DST: variants seen among roughly 807,000 people sequenced by gnomAD.
DST encodes the protein dystonin.
Under a neutral mutation model 875.2 loss-of-function variants are expected in DST, and 253 were observed. The observed-to-expected ratio is 0.29, with a 90% CI of 0.26 to 0.32. The LOEUF is 0.32. Ranked by LOEUF, DST falls within the 10% of genes least tolerant of loss-of-function variation. The probability of loss-of-function intolerance (pLI) is 1.00; values close to 1 mark genes in which losing one functional copy is unlikely to be tolerated. For missense variants in DST, 8,287 were observed against 9,111.6 expected (o/e 0.91, Z 3.68); for synonymous variants, 3,124 against 3,197.1 (o/e 0.98, Z 0.77).
At chr6:56,783,091 G>C (rs1564155559) in intron 4 of DST, among the ~76,000 whole-genome samples, 1 of 152,296 alleles carries the variant, frequency 6.6e-6, no homozygotes, top group Non-Finnish European at 1.5e-5. Flanking sequence ...CTGAGAGACA[G>C]TTTGTTATAA....
intron 69 of DST, among the ~76,000 whole-genome samples, chr6:56,521,802 A>T (rs1457674207): frequency 2.0e-5 from 3 of 152,076 alleles, no homozygotes; most frequent in Non-Finnish European, 2.9e-5. Context: ...CTAATGGAAC[A>T]TAAACATGGT....
chr6:56,503,877 C>A (rs1469760372), intron 78 of DST, 120 bp downstream of exon 78: 2 of 624,200 alleles, frequency 3.2e-6, no homozygotes, highest in Admixed American at 3.6e-5. Context: ...GTACATTAAA[C>A]TAGCTTTATA....
chr6:56,604,795 T>G lies in DST; in HGVS notation c.9833A>C (p.Lys3278Thr). 6.2e-7 allele frequency: 1 copy of G among 1,612,938 alleles called. No individual in the cohort carries two copies. The highest frequency in any genetic ancestry group is 8.5e-7 in the Non-Finnish European group (1 of 1,179,272). The change falls in exon 40 of 104, where the codon AAA becomes ACA. Residue 3278 changes from lysine (K) to threonine (T), a missense_variant. By Grantham distance (78) the Lys-to-Thr change is moderately conservative. Coordinates refer to ENST00000680361, the MANE Select transcript of DST (RefSeq NM_001374736.1). ...ATTTTTCCCAACATCTTCTACATGTTTACGAGATAATATTGAAAGTGTGGC... is the reference window on the plus strand; with the variant it reads ...ATTTTTCCCAACATCTTCTACATGTGTACGAGATAATATTGAAAGTGTGGC... Reference protein sequence around the residue: ...IEATLSILSRKHVEDVGKNDF... With the variant: ...IEATLSILSRTHVEDVGKNDF...
At chr6:56,811,791 G>C (rs1280836034) in intron 4 of DST, among the ~76,000 whole-genome samples, 1 of 152,012 alleles carries the variant, frequency 6.6e-6, no homozygotes, top group Non-Finnish European at 1.5e-5. Flanking sequence ...AGAAATATAA[G>C]TTCCTTGATA....
intron 102 of DST, chr6:56,460,495 A>C (rs972831279): frequency 1.3e-5 from 5 of 388,526 alleles, no homozygotes; most frequent in Non-Finnish European, 2.3e-5. Flanking sequence ...GGTTGAAGAG[A>C]AAACAAAATG....
chr6:56,770,176 T>C (rs1347141259), intron 4 of DST, among the ~76,000 whole-genome samples: 1 of 152,182 alleles, frequency 6.6e-6, no homozygotes. Context: ...GAGAGTTTAA[T>C]GATGCAATAG....
At chr6:56,953,438 A>C (rs1199351753) in intron 2 of DST, among the ~76,000 whole-genome samples, 2 of 152,256 alleles carry the variant, frequency 1.3e-5, no homozygotes. Context: ...ATCCAAGTGA[A>C]CAACCAGAGT....
chr6:56,840,521 C>G (rs1437785484), intron 4 of DST, among the ~76,000 whole-genome samples: 2 of 152,068 alleles, frequency 1.3e-5, no homozygotes, highest in South Asian at 2.1e-4. Context: ...ATATATTTTA[C>G]AAGTAACAGG....
intron 84 of DST, 86 bp downstream of exon 84, chr6:56,492,848 A>G: frequency 8.6e-7 from 1 of 1,159,480 alleles, no homozygotes; most frequent in South Asian, 2.0e-5. Flanking sequence ...GTCCTGGACG[A>G]CAGAGGAGTG....
Position 56,704,300 on chromosome 6 carries a change from C to A in DST, c.757G>T (p.Val253Phe), listed in dbSNP as rs372264583. The change falls in exon 6 of 104, where the codon GTT (valine) becomes TTT (phenylalanine). Residue 253 changes from valine to phenylalanine, a missense_variant. By Grantham distance (50) the Val-to-Phe change is conservative. Around this residue, in one of 10 missense-constraint regions of DST, gnomAD observed 1,160 missense variants for 1,424.3 expected, o/e 0.81. Transcript: ENST00000680361. ...CTTACCAAGGTATCTCCTGAAAGAA[C>A]CTCTAAAAGAGAAATCAAATTGTGT... The part of the protein sequence containing the change: ...DGHNLISLLE[V>F]LSGDTLPRER... 2 of 1,549,252 alleles carry A rather than the reference C, an allele frequency of 1.3e-6. No individual in the cohort carries two copies. The highest frequency in any genetic ancestry group is 1.8e-6 in the Non-Finnish European group (2 of 1,139,446).
chr6:56,871,068 GGACA>G (rs1177143789), intron 3 of DST: 5 of 480,032 alleles, frequency 1.0e-5, no homozygotes, highest in East Asian at 3.8e-5. Flanking sequence ...CAAATGAAAT[GGACA>G]GACATTTTGC....
chr6:56,618,153 G>C (rs1164154047), intron 36 of DST: 2 of 1,614,154 alleles, frequency 1.2e-6, no homozygotes, highest in Non-Finnish European at 8.5e-7. Flanking sequence ...GTGCTTGTCT[G>C]AGAAAAGTAC....
At chr6:56,842,048 CT>C (rs2153074127) in intron 4 of DST, among the ~76,000 whole-genome samples, 1 of 152,016 alleles carries the variant, frequency 6.6e-6, no homozygotes, top group Non-Finnish European at 1.5e-5. Flanking sequence ...TGTATTTGGG[CT>C]TTTTGGGGCT....
At chr6:56,857,060 G>A (rs1456032785) in intron 3 of DST, among the ~76,000 whole-genome samples, 1 of 151,472 alleles carries the variant, frequency 6.6e-6, no homozygotes, top group African/African-American at 2.4e-5. Flanking sequence ...TGCCCAGGCT[G>A]GAGTGCAGAG....
Position 56,950,969 on chromosome 6 carries a change from G to A in DST, c.216+2816C>T, listed in dbSNP as rs76662099. Among the ~76,000 whole-genome samples, 39 of 152,262 alleles carry A rather than the reference G, an allele frequency of 2.6e-4. No homozygotes were observed. In the East Asian group the frequency reaches 6.9e-3, roughly 27 times the overall value. ...TTATATACTTAGTGAGGAGAAAATAGCTGGAGCTCCTCAGATGAGGAAGGT... is the reference window on the plus strand; with the variant it reads ...TTATATACTTAGTGAGGAGAAAATAACTGGAGCTCCTCAGATGAGGAAGGT... On this transcript the variant is annotated intron_variant, in intron 2 of 103. Transcript: ENST00000680361.
At chr6:56,477,547 G>GT (rs2095249289) in intron 90 of DST, 59 bp from the exon 91 acceptor site, 2 of 1,600,876 alleles carry the variant, frequency 1.2e-6, no homozygotes, top group Middle Eastern at 1.7e-4. Flanking sequence ...CAAAACTCTG[G>GT]TGGCATTTGT....
At chr6:56,717,604 T>C (rs1365543673) in intron 5 of DST, among the ~76,000 whole-genome samples, 1 of 152,204 alleles carries the variant, frequency 6.6e-6, no homozygotes, top group Non-Finnish European at 1.5e-5. Flanking sequence ...AGCATCACTA[T>C]TGCAGAAGCT....
At position 56,517,226 on chromosome 6, in the gene DST, C is replaced by T. The variant is rs2096612055; in HGVS notation, c.18329G>A (p.Cys6110Tyr). Residue 6110 changes from cysteine to tyrosine, a missense_variant, in exon 71 of 104, where the codon TGC becomes TAC. This residue lies in a region of DST where 1,292 missense variants were observed against 1,552.7 expected (regional missense o/e 0.83). Transcript: ENST00000680361. ...VKSGHKIMTA[C>Y]SEEEKQSMKK... The stretch of plus-strand genomic sequence containing the variant: ...CATTGATTGCTTTTCCTCTTCACTG[C>T]ATGCGGTCATGATTTTATGCCCAGA... 1 of 1,613,058 alleles carries T rather than the reference C, an allele frequency of 6.2e-7. No individual in the cohort carries two copies. The highest frequency in any genetic ancestry group is 1.7e-5 in the Admixed American group (1 of 59,990).
chr6:56,952,117 A>G (rs1822672419), intron 2 of DST, among the ~76,000 whole-genome samples: 1 of 152,230 alleles, frequency 6.6e-6, no homozygotes, highest in Admixed American at 6.5e-5. Flanking sequence ...CAAGGCAAAT[A>G]CCACACAAAG....
Sources: gnomAD v4.1 joint callset for allele counts (sites outside exome capture counted in the v4.1 genomes callset) on GRCh38, gnomAD v4.1.1 for gene constraint, gnomAD v4.1.1 regional missense constraint, MANE v1.5 for transcripts, NCBI Gene and HGNC (gene_info 2026-07-23, HGNC 2026-07-21) for gene names.